The following LOC128462377 variants were observed in gnomAD, a reference collection of about 807,000 sequenced individuals.
chr16:89,345,262 C>T, the LOC128462377 span, among the ~76,000 whole-genome samples: 1 of 148,176 alleles, frequency 6.7e-6, no homozygotes, highest in East Asian at 2.0e-4. Flanking sequence ...CTCCCCACCC[C>T]CCGGCAAAAG....
At chr16:89,402,881 C>T in the LOC128462377 span, among the ~76,000 whole-genome samples, 2 of 151,542 alleles carry the variant, frequency 1.3e-5, no homozygotes, top group African/African-American at 2.4e-5. Context: ...CAGGCTCTCC[C>T]GGGGGAAGGA....
the LOC128462377 span, among the ~76,000 whole-genome samples, chr16:89,317,414 A>T: frequency 6.6e-6 from 1 of 152,140 alleles, no homozygotes; most frequent in Non-Finnish European, 1.5e-5. Context: ...TACAGGCTAC[A>T]CCCAAAACGG....
At chr16:89,388,293 ATTTTTTTT>A in the LOC128462377 span, among the ~76,000 whole-genome samples, 2 of 85,266 alleles carry the variant, frequency 2.3e-5, no homozygotes, top group Admixed American at 3.2e-4. Flanking sequence ...CATGAGGCTG[ATTTTTTTT>A]TTTTTTTTTT....
At chr16:89,397,192 C>T in the LOC128462377 span, among the ~76,000 whole-genome samples, 96 of 152,276 alleles carry the variant, frequency 6.3e-4, no homozygotes, top group African/African-American at 2.3e-3. Flanking sequence ...CGTCCAACGG[C>T]GTCTCACAGT....
chr16:89,373,374 C>T, the LOC128462377 span: 1 of 152,440 alleles, frequency 6.6e-6, no homozygotes, highest in East Asian at 1.9e-4. Flanking sequence ...GCAGGAAGCT[C>T]AATTCCAAAA....
At chr16:89,322,099 G>A in the LOC128462377 span, among the ~76,000 whole-genome samples, 1 of 152,194 alleles carries the variant, frequency 6.6e-6, no homozygotes, top group Non-Finnish European at 1.5e-5. Context: ...AAGGCTGTTA[G>A]TTAAGTTTGG....
chr16:89,394,962 G>C, the LOC128462377 span, among the ~76,000 whole-genome samples: 2 of 152,212 alleles, frequency 1.3e-5, no homozygotes, highest in South Asian at 2.1e-4. Context: ...GCTGATGAGA[G>C]AACCCCCTGT....
the LOC128462377 span, chr16:89,395,784 A>G: frequency 1.3e-5 from 2 of 152,242 alleles, no homozygotes; most frequent in African/African-American, 2.4e-5. Flanking sequence ...TACCTGCTTA[A>G]TAACAATGCC....
chr16:89,364,941 C>T, the LOC128462377 span, among the ~76,000 whole-genome samples: 7 of 152,208 alleles, frequency 4.6e-5, no homozygotes, highest in East Asian at 1.2e-3. Context: ...CTTACAAAGC[C>T]AAATGAACAA....
the LOC128462377 span, among the ~76,000 whole-genome samples, chr16:89,341,769 A>T: frequency 6.6e-6 from 1 of 152,200 alleles, no homozygotes; most frequent in Non-Finnish European, 1.5e-5. Flanking sequence ...AAACGTGCAC[A>T]AACAAAAAGT....
chr16:89,392,164 T>C, the LOC128462377 span, among the ~76,000 whole-genome samples: 1 of 152,234 alleles, frequency 6.6e-6, no homozygotes, highest in African/African-American at 2.4e-5. Flanking sequence ...GGACACAGCG[T>C]CAGGTTATAA....
chr16:89,322,752 C>T, the LOC128462377 span, among the ~76,000 whole-genome samples: 13 of 152,254 alleles, frequency 8.5e-5, no homozygotes, highest in African/African-American at 2.4e-4. Flanking sequence ...GCTCCCACGT[C>T]GGCCCTGGGC....
the LOC128462377 span, among the ~76,000 whole-genome samples, chr16:89,394,274 G>A: frequency 3.3e-5 from 5 of 152,290 alleles, no homozygotes; most frequent in Admixed American, 6.5e-5. Context: ...GAAAGCAGCC[G>A]TCCGCCTCTC....
the LOC128462377 span, among the ~76,000 whole-genome samples, chr16:89,383,531 CAAG>C: frequency 2.6e-5 from 4 of 152,340 alleles, no homozygotes; most frequent in Middle Eastern, 6.8e-3. Context: ...CCTGTGTCTG[CAAG>C]AAGGAAGAGC....
the LOC128462377 span, among the ~76,000 whole-genome samples, chr16:89,360,065 C>T: frequency 2.0e-5 from 3 of 152,106 alleles, no homozygotes; most frequent in Non-Finnish European, 4.4e-5. Context: ...CCGCCCTCTC[C>T]CCTCAAGTAG....
chr16:89,325,348 G>C, the LOC128462377 span, among the ~76,000 whole-genome samples: 1 of 152,074 alleles, frequency 6.6e-6, no homozygotes, highest in African/African-American at 2.4e-5. Context: ...TAAGGCAGGA[G>C]GATCACTTGA....
chr16:89,320,214 G>T, the LOC128462377 span: 1 of 152,216 alleles, frequency 6.6e-6, no homozygotes, highest in Non-Finnish European at 1.5e-5. Context: ...CGCAGCCCCT[G>T]TGCCTTCTCA....
the LOC128462377 span, chr16:89,370,773 C>G: frequency 6.6e-6 from 1 of 152,530 alleles, no homozygotes; most frequent in Non-Finnish European, 1.5e-5. Context: ...TGGTCAGAGG[C>G]AGCCGAAGAT....
At chr16:89,405,570 G>A in the LOC128462377 span, among the ~76,000 whole-genome samples, 1 of 150,048 alleles carries the variant, frequency 6.7e-6, no homozygotes, top group East Asian at 2.0e-4. Flanking sequence ...CTGGGTTGCA[G>A]CAATCCTCCC....
Sources: gnomAD v4.1 joint callset for allele counts (sites outside exome capture counted in the v4.1 genomes callset) on GRCh38, gnomAD v4.1.1 for gene constraint, MANE v1.5 for transcripts.